The following SLC2A13 variants were observed in gnomAD, a reference collection of about 807,000 sequenced individuals.
The protein encoded by SLC2A13 is solute carrier family 2 member 13.
Under a neutral mutation model 64.4 loss-of-function variants are expected in SLC2A13, and 32 were observed. The ratio of observed to expected loss-of-function variants is 0.50; its 90% CI spans 0.37 to 0.67. The LOEUF (loss-of-function observed/expected upper bound fraction) is 0.67, where lower values mean the gene tolerates loss of function less well. Among genes scored for constraint, SLC2A13 ranks in the 30% least tolerant of loss-of-function variants. SLC2A13 has a pLI of 0.00. For missense variants in SLC2A13, 743 were observed against 829.2 expected, an observed-to-expected ratio of 0.90 and a Z score of 1.28; for synonymous variants, 338 against 327.1, an observed-to-expected ratio of 1.03 and a Z score of -0.36.
intron 3 of SLC2A13, among the ~76,000 whole-genome samples, chr12:40,027,760 A>G (rs941970857): frequency 6.6e-6 from 1 of 152,192 alleles, no homozygotes; most frequent in Non-Finnish European, 1.5e-5. Context: ...TGAAATGTCT[A>G]CCTTTTCCTC....
intron 4 of SLC2A13, among the ~76,000 whole-genome samples, chr12:39,932,505 A>G (rs539475184): frequency 6.6e-6 from 1 of 152,320 alleles, no homozygotes; most frequent in Non-Finnish European, 1.5e-5. Context: ...GTATTTTTTG[A>G]GTGCCTACTG....
intron 7 of SLC2A13, among the ~76,000 whole-genome samples, chr12:39,767,132 G>T (rs942196828): frequency 6.6e-6 from 1 of 152,002 alleles, no homozygotes; most frequent in Non-Finnish European, 1.5e-5. Flanking sequence ...CTTATGAAAT[G>T]CATTTTTTAA....
chr12:39,944,109 C>A (rs1946093443), intron 4 of SLC2A13, among the ~76,000 whole-genome samples: 1 of 152,216 alleles, frequency 6.6e-6, no homozygotes, highest in African/African-American at 2.4e-5. Flanking sequence ...GCCCAACGCT[C>A]ATTCAGGAGC....
At chr12:40,051,755 G>A (rs1948259890) in intron 1 of SLC2A13, among the ~76,000 whole-genome samples, 1 of 152,168 alleles carries the variant, frequency 6.6e-6, no homozygotes, top group Admixed American at 6.5e-5. Flanking sequence ...TGAGGAAGGG[G>A]TGGCGGACTA....
chr12:39,878,917 A>G (rs1944267622), intron 4 of SLC2A13, among the ~76,000 whole-genome samples: 1 of 152,206 alleles, frequency 6.6e-6, no homozygotes, highest in African/African-American at 2.4e-5. Context: ...GAGGCCTAGG[A>G]GTATAGAATG....
At chr12:40,098,959 C>T (rs921125520) in intron 1 of SLC2A13, among the ~76,000 whole-genome samples, 4 of 152,228 alleles carry the variant, frequency 2.6e-5, no homozygotes, top group African/African-American at 4.8e-5. Flanking sequence ...AACACTGGTG[C>T]CATTGCTCGC....
At chr12:39,846,641 G>A (rs1411755785) in intron 6 of SLC2A13, among the ~76,000 whole-genome samples, 1 of 152,022 alleles carries the variant, frequency 6.6e-6, no homozygotes, top group Non-Finnish European at 1.5e-5. Flanking sequence ...TTGGAGAAAT[G>A]GGATTTTGCC....
At chr12:40,084,977 T>G (rs542005742) in intron 1 of SLC2A13, among the ~76,000 whole-genome samples, 1 of 152,342 alleles carries the variant, frequency 6.6e-6, no homozygotes, top group African/African-American at 2.4e-5. Context: ...AAGGTTAAGT[T>G]GGTAACCAGT....
At chr12:39,960,986 A>G (rs189273922) in intron 3 of SLC2A13, among the ~76,000 whole-genome samples, 15 of 151,374 alleles carry the variant, frequency 9.9e-5, no homozygotes, top group Admixed American at 2.0e-4. Context: ...ACCTTCAGTG[A>G]TCCACTCGTC....
chr12:40,041,005 G>A (rs1948077020), intron 2 of SLC2A13, among the ~76,000 whole-genome samples: 1 of 152,028 alleles, frequency 6.6e-6, no homozygotes, highest in Non-Finnish European at 1.5e-5. Flanking sequence ...CCAGGCTGGA[G>A]TGCAGTGGCA....
chr12:39,901,447 C>A (rs1945103319), intron 4 of SLC2A13, among the ~76,000 whole-genome samples: 1 of 144,122 alleles, frequency 6.9e-6, no homozygotes, highest in Non-Finnish European at 1.5e-5. Context: ...ACTCATCTGA[C>A]AAAGGGCTAA....
At chr12:39,896,113 A>G (rs1015536979) in intron 4 of SLC2A13, among the ~76,000 whole-genome samples, 3 of 143,624 alleles carry the variant, frequency 2.1e-5, no homozygotes, top group Admixed American at 1.4e-4. Flanking sequence ...TACATATATG[A>G]ATGCATACAT....
intron 4 of SLC2A13, among the ~76,000 whole-genome samples, chr12:39,926,014 A>C (rs1450098705): frequency 6.6e-6 from 1 of 152,172 alleles, no homozygotes; most frequent in Non-Finnish European, 1.5e-5. Flanking sequence ...ATAAAAATGA[A>C]GCATATGTTC....
chr12:39,903,117 C>T (rs1261349073), intron 4 of SLC2A13, among the ~76,000 whole-genome samples: 1 of 152,076 alleles, frequency 6.6e-6, no homozygotes, highest in Non-Finnish European at 1.5e-5. Context: ...GATAGGAAAA[C>T]AAGGCTGAAA....
At chr12:40,018,915 C>T (rs931897828) in intron 3 of SLC2A13, among the ~76,000 whole-genome samples, 2 of 152,108 alleles carry the variant, frequency 1.3e-5, no homozygotes, top group African/African-American at 4.8e-5. Context: ...ATGATGGAGT[C>T]TGGGCACTAC....
At chr12:39,794,123 CAAAAAAAAAAAAAAAA>C (rs36179669) in intron 7 of SLC2A13, among the ~76,000 whole-genome samples, 4 of 78,372 alleles carry the variant, frequency 5.1e-5, no homozygotes, top group African/African-American at 2.0e-4. Context: ...GGCCAAATTG[CAAAAAAAAAAAAAAAA>C]AAAAAAAAAA....
chr12:39,990,986 C>T (rs1402386446), intron 3 of SLC2A13, among the ~76,000 whole-genome samples: 1 of 152,192 alleles, frequency 6.6e-6, no homozygotes, highest in Non-Finnish European at 1.5e-5. Flanking sequence ...GATTTTCCTC[C>T]TGTAAAGTGA....
At position 39,764,591 on chromosome 12, in the gene SLC2A13, G is replaced by A. The variant is rs1235418681; in HGVS notation, c.1589C>T (p.Thr530Ile). The A allele has an allele frequency of 6.2e-7, 1 of 1,603,832 alleles. No homozygotes were observed. Among genetic ancestry groups the A allele is most frequent in the Non-Finnish European group, 8.5e-7 (1 of 1,177,202 alleles). ...FAPGMGPMPW[T>I]VNSEIYPLWA... ...AAGGGGATATATTTCAGAATTCACAGTCCAAGGCATTGGTCCCATTCCTGA... is the reference window on the plus strand; with the variant it reads ...AAGGGGATATATTTCAGAATTCACAATCCAAGGCATTGGTCCCATTCCTGA... Residue 530 changes from threonine to isoleucine, a missense_variant, in exon 9 of 10, where the codon ACT becomes ATT. Coordinates refer to ENST00000280871, the MANE Select transcript of SLC2A13 (RefSeq NM_052885.4).
intron 3 of SLC2A13, among the ~76,000 whole-genome samples, chr12:40,010,876 T>A (rs922155458): frequency 2.6e-5 from 4 of 152,132 alleles, no homozygotes; most frequent in Non-Finnish European, 5.9e-5. Context: ...TCCTGGAAAG[T>A]CATCTGCCAG....
Sources: allele counts gnomAD v4.1 joint callset (sites outside exome capture counted in the v4.1 genomes callset), GRCh38; gene constraint gnomAD v4.1.1; transcripts MANE v1.5; gene names NCBI Gene and HGNC (gene_info 2026-07-23, HGNC 2026-07-21).